HPSE: variants seen among roughly 807,000 people sequenced by gnomAD.
HPSE encodes the protein heparanase.
A neutral mutation model predicts 65.1 loss-of-function variants in HPSE; 48 were observed. The ratio of observed to expected loss-of-function variants is 0.74; its 90% confidence interval spans 0.58 to 0.94. HPSE has a LOEUF of 0.94. Ranked by LOEUF, HPSE falls within the 40% of genes least tolerant of loss-of-function variation. The pLI is 0.00. For missense variants in HPSE, 644 were observed against 637.5 expected (o/e 1.01, Z -0.11); for synonymous variants, 243 against 260.0 (o/e 0.93, Z 0.63).
chr4:83,301,139 T>C, intron 10 of HPSE, 33 bp from the exon 11 acceptor site: 1 of 1,407,008 alleles, frequency 7.1e-7, no homozygotes, highest in Non-Finnish European at 9.7e-7. Flanking sequence ...AATAGAAATA[T>C]GTATCTAATT....
In HPSE at chr4:83,322,324, C is replaced by T. The variant is rs760263415; in HGVS notation, c.268G>A (p.Ala90Thr). Reference protein sequence around the residue: ...LRTLARGLSPAYLRFGGTKTD... With the variant: ...LRTLARGLSPTYLRFGGTKTD... ...TTGGTGCCACCAAACCTCAGGTACG[C>T]AGGAGACAAGCCTCTGGCCAAGGTA... Residue 90 changes from alanine (A) to threonine (T), a missense_variant, in exon 2 of 12, where the codon GCG (alanine) becomes ACG (threonine). Coordinates refer to ENST00000311412, the MANE Select transcript of HPSE (RefSeq NM_001098540.3). The T allele has an allele frequency of 4.3e-6, 7 of 1,613,642 alleles. No individual in the cohort carries two copies. Among genetic ancestry groups the T allele is most frequent in the Non-Finnish European group, 5.9e-6 (7 of 1,179,754 alleles).
Position 83,292,573 on chromosome 4 carries a change from C to T in HPSE, c.*2771G>A, listed in dbSNP as rs963081591. The T allele has an allele frequency of 3.9e-5, 6 of 152,150 alleles. No individual in the cohort carries two copies. The highest frequency in any genetic ancestry group is 1.4e-4 in the African/African-American group (6 of 41,424). 9.4% of individuals were successfully genotyped at this position (152,150 alleles called of 1,614,324 possible). ...TTTAATTTTCAGCTTTAGCTCCTTACAAATATACTTAAATTGAATGAAATT... is the reference window on the plus strand; with the variant it reads ...TTTAATTTTCAGCTTTAGCTCCTTATAAATATACTTAAATTGAATGAAATT... On this transcript the variant is annotated 3_prime_UTR_variant, in exon 12 of 12. Transcript: ENST00000311412.
In HPSE at chr4:83,294,705, A is replaced by T. The variant is rs1735662444; in HGVS notation, c.*639T>A. On this transcript the variant is annotated 3_prime_UTR_variant, in exon 12 of 12. Transcript: ENST00000311412. ...GCCCAGGAGTTAAAAGGCTGCAGTG[A>T]TCTATGATTGCACCACTGCACTCAA... is the stretch of plus-strand genomic sequence containing the variant. 6.6e-6 allele frequency: 1 copy of T among 152,280 alleles called. No individual in the cohort carries two copies. The highest frequency in any genetic ancestry group is 1.5e-5 in the Non-Finnish European group (1 of 68,118). The allele number at this position is 152,280 out of a possible 1,614,324, so 9.4% of individuals were successfully genotyped here.
upstream of HPSE, chr4:83,334,939 T>A: frequency 1.7e-6 from 2 of 1,205,642 alleles, no homozygotes; most frequent in South Asian, 1.6e-5. Context: ...TCCCTCCCAC[T>A]CCTCTTCTGC....
intron 1 of HPSE, among the ~76,000 whole-genome samples, chr4:83,329,818 G>A (rs929149349): frequency 6.6e-6 from 1 of 152,102 alleles, no homozygotes; most frequent in Non-Finnish European, 1.5e-5. Flanking sequence ...ACTAGGAAGT[G>A]GAGAGGAAAC....
At chr4:83,299,548 G>C (rs1735861968) in intron 11 of HPSE, among the ~76,000 whole-genome samples, 1 of 151,976 alleles carries the variant, frequency 6.6e-6, no homozygotes, top group African/African-American at 2.4e-5. Flanking sequence ...GCAGTACCCA[G>C]TGTAAATAAT....
intron 1 of HPSE, among the ~76,000 whole-genome samples, chr4:83,330,966 A>G (rs1261552408): frequency 2.0e-5 from 3 of 152,192 alleles, no homozygotes; most frequent in Non-Finnish European, 2.9e-5. Flanking sequence ...ACACTTTGGG[A>G]GGCCGAGGTG....
intron 11 of HPSE, among the ~76,000 whole-genome samples, chr4:83,300,228 T>C (rs1735888982): frequency 6.6e-6 from 1 of 152,222 alleles, no homozygotes; most frequent in Admixed American, 6.5e-5. Flanking sequence ...CTAGCTATTC[T>C]TTTTCTTACT....
chr4:83,300,565 T>TAGA (rs1578004011), intron 11 of HPSE, among the ~76,000 whole-genome samples: 14,501 of 96,634 alleles, frequency 0.15, 4,962 homozygotes, highest in East Asian at 0.36. Context: ...TAAGAATTAT[T>TAGA]ACACTTTGGG....
At chr4:83,332,650 T>C (rs1737424978) in intron 1 of HPSE, among the ~76,000 whole-genome samples, 1 of 152,158 alleles carries the variant, frequency 6.6e-6, no homozygotes, top group African/African-American at 2.4e-5. Flanking sequence ...AGAATAAAGG[T>C]ATCATCCTCA....
chr4:83,314,954 G>A (rs373461276), intron 3 of HPSE, among the ~76,000 whole-genome samples: 2 of 151,948 alleles, frequency 1.3e-5, no homozygotes, highest in East Asian at 1.9e-4. Flanking sequence ...TCAAGAGTTC[G>A]AGACCAGCCT....
chr4:83,316,644 G>A (rs779089680), intron 3 of HPSE, among the ~76,000 whole-genome samples: 1 of 152,192 alleles, frequency 6.6e-6, no homozygotes, highest in Non-Finnish European at 1.5e-5. Context: ...GAAGTACAAA[G>A]AGTTAGCTCA....
At position 83,302,236 on chromosome 4, in the gene HPSE, C is replaced by G. The variant is rs1160932920; in HGVS notation, c.1239G>C (p.Leu413Phe). ...TTGCCATTAACACCTTGGTGCCCAC[C>G]AATTTCTTGAACAGAAGAGATAGCC... ...DYWLSLLFKKLVGTKVLMASV... is the reference protein window; with the variant it reads ...DYWLSLLFKKFVGTKVLMASV... Residue 413 changes from leucine to phenylalanine, a missense_variant, in exon 10 of 12, where the codon TTG becomes TTC. Leu to Phe is a conservative substitution (Grantham distance 22). Coordinates refer to ENST00000311412, the MANE Select transcript of HPSE (RefSeq NM_001098540.3). The G allele has an allele frequency of 2.5e-6, 4 of 1,613,734 alleles. No homozygotes were observed. The South Asian group carries it at 4.4e-5, about 18-fold the overall frequency.
chr4:83,296,973 T>C (rs552024416), intron 11 of HPSE, among the ~76,000 whole-genome samples: 1 of 152,334 alleles, frequency 6.6e-6, no homozygotes, highest in East Asian at 1.9e-4. Flanking sequence ...ATGGACCGCA[T>C]ATATAAGTGT....
intron 1 of HPSE, among the ~76,000 whole-genome samples, chr4:83,324,839 GA>G (rs1391345183): frequency 5.9e-5 from 9 of 152,230 alleles, no homozygotes; most frequent in Non-Finnish European, 1.3e-4. Flanking sequence ...TTCTGAGATA[GA>G]TAGTGGTGAT....
At chr4:83,306,177 G>C in intron 9 of HPSE, 26 bp downstream of exon 9, 2 of 1,393,804 alleles carry the variant, frequency 1.4e-6, no homozygotes, top group Middle Eastern at 1.8e-4. Context: ...TACTCCACTA[G>C]AATTAGGAAA....
At chr4:83,322,789 T>TGTGTGTGTGTGTG (rs1560514324) in intron 1 of HPSE, among the ~76,000 whole-genome samples, 1 of 104,004 alleles carries the variant, frequency 9.6e-6, no homozygotes, top group Non-Finnish European at 2.0e-5. Context: ...AAGAGCTTGT[T>TGTGTGTGTGTGTG]TGTGTGTGTG....
intron 3 of HPSE, among the ~76,000 whole-genome samples, chr4:83,316,867 T>G (rs1051199613): frequency 6.6e-6 from 1 of 152,010 alleles, no homozygotes; most frequent in African/African-American, 2.4e-5. Flanking sequence ...GGGACACCCG[T>G]TTTTTTGTTG....
intron 1 of HPSE, among the ~76,000 whole-genome samples, chr4:83,325,577 C>T (rs564064688): frequency 6.6e-6 from 1 of 152,298 alleles, no homozygotes; most frequent in East Asian, 1.9e-4. Context: ...AGGCATTATG[C>T]TAGTTGCTGG....
Sources: gnomAD v4.1 joint callset for allele counts (sites outside exome capture counted in the v4.1 genomes callset) on GRCh38, gnomAD v4.1.1 for gene constraint, MANE v1.5 for transcripts, NCBI Gene and HGNC (gene_info 2026-07-23, HGNC 2026-07-21) for gene names.